Variants in DNAH7 observed in about 807,000 individuals in gnomAD.
DNAH7 encodes the protein dynein axonemal heavy chain 7, also known as axonemal beta dynein heavy chain 7.
DNAH7 carries 397 observed loss-of-function variants against 444.6 expected under a neutral mutation model. The observed-to-expected ratio is 0.89, with a 90% CI of 0.82 to 0.97. DNAH7 has a LOEUF of 0.97. Ranked by LOEUF, DNAH7 falls within the 50% of genes least tolerant of loss-of-function variation. The pLI, the probability that DNAH7 is intolerant of heterozygous loss-of-function variation, is 0.00. For synonymous variants in DNAH7, 1,636 were observed against 1,624.4 expected (o/e 1.01, Z -0.17); for missense variants, 4,902 against 4,800.8 (o/e 1.02, Z -0.62).
At chr2:195,877,614 A>G (rs1054817247) in intron 36 of DNAH7, among the ~76,000 whole-genome samples, 7 of 152,220 alleles carry the variant, frequency 4.6e-5, no homozygotes, top group African/African-American at 1.7e-4. Context: ...TAATCTATTC[A>G]TCAAGGCAAT....
intron 24 of DNAH7, among the ~76,000 whole-genome samples, chr2:195,910,936 T>C (rs1687322160): frequency 6.6e-6 from 1 of 152,172 alleles, no homozygotes; most frequent in Admixed American, 6.5e-5. Flanking sequence ...GGCACATTAA[T>C]CCAAAATGAT....
intron 20 of DNAH7, among the ~76,000 whole-genome samples, 160 bp downstream of exon 20, chr2:195,936,439 T>A (rs1184680941): frequency 6.6e-6 from 1 of 152,150 alleles, no homozygotes; most frequent in Non-Finnish European, 1.5e-5. Flanking sequence ...ACTAGTTACA[T>A]TTTTAATAAT....
intron 41 of DNAH7, among the ~76,000 whole-genome samples, chr2:195,862,212 GA>G (rs1700060130): frequency 6.6e-6 from 1 of 152,172 alleles, no homozygotes; most frequent in Non-Finnish European, 1.5e-5. Context: ...CAGGAGAAAG[GA>G]AAGGCAAATG....
At chr2:195,774,515 A>G (rs1389959849) in intron 60 of DNAH7, among the ~76,000 whole-genome samples, 1 of 152,212 alleles carries the variant, frequency 6.6e-6, no homozygotes, top group Non-Finnish European at 1.5e-5. Flanking sequence ...ATCTCTGGCT[A>G]TCTGCCTTTC....
Position 195,936,721 on chromosome 2 carries a change from C to T in DNAH7, c.3150G>A (p.Leu1050=), listed in dbSNP as rs267599144. Reference sequence around the variant, plus strand: ...CATTAAGTCCTTTAAGAATGAGCTCCAAAAGTTCATTAGATTTTTTCAGCC... The same window carrying T: ...CATTAAGTCCTTTAAGAATGAGCTCTAAAAGTTCATTAGATTTTTTCAGCC... ...LERLKKSNEL[L]ELILKGLNEY... The change falls in exon 20 of 65, where the codon TTG becomes TTA. Residue 1050 remains leucine (L), a synonymous_variant. Coordinates refer to ENST00000312428, the MANE Select transcript of DNAH7 (RefSeq NM_018897.3). 1 of 1,601,438 alleles carries T rather than the reference C, an allele frequency of 6.2e-7. No homozygotes were observed. Among genetic ancestry groups the T allele is most frequent in the East Asian group, 2.3e-5 (1 of 44,392 alleles).
chr2:195,759,926 TC>T (rs1324283796), intron 61 of DNAH7, among the ~76,000 whole-genome samples: 3 of 152,156 alleles, frequency 2.0e-5, no homozygotes, highest in Non-Finnish European at 4.4e-5. Flanking sequence ...AATCCTCCTG[TC>T]TCAGCCTCCC....
intron 30 of DNAH7, chr2:195,892,711 T>C (rs991002917): frequency 6.6e-6 from 1 of 152,124 alleles, no homozygotes; most frequent in Non-Finnish European, 1.5e-5. Context: ...TGTTGCATAA[T>C]TATATGGGTT....
intron 24 of DNAH7, among the ~76,000 whole-genome samples, chr2:195,914,196 T>C (rs1687530650): frequency 1.3e-5 from 2 of 152,218 alleles, no homozygotes; most frequent in South Asian, 2.1e-4. Context: ...GACTGAAAAA[T>C]GTTTAAATAC....
intron 5 of DNAH7, among the ~76,000 whole-genome samples, chr2:196,046,012 G>GA (rs1167864996): frequency 1.3e-5 from 2 of 150,894 alleles, no homozygotes; most frequent in African/African-American, 4.9e-5. Context: ...AGGCAAAACA[G>GA]AAAAAATGAC....
chr2:195,758,386 G>T (rs968990543), intron 61 of DNAH7, among the ~76,000 whole-genome samples: 8 of 152,026 alleles, frequency 5.3e-5, no homozygotes, highest in African/African-American at 1.9e-4. Flanking sequence ...GTATCTGTTT[G>T]GTAACATATG....
At chr2:195,784,942 G>T (rs866027167) in intron 58 of DNAH7, among the ~76,000 whole-genome samples, 11 of 140,646 alleles carry the variant, frequency 7.8e-5, no homozygotes, top group Admixed American at 3.7e-4. Flanking sequence ...ATGGAGTCTC[G>T]CTCTGTCACC....
chr2:195,969,875 G>A, intron 17 of DNAH7, 73 bp downstream of exon 17: 1 of 1,442,222 alleles, frequency 6.9e-7, no homozygotes, highest in Non-Finnish European at 9.5e-7. Flanking sequence ...CTTCTTAAAG[G>A]TGAATAACTA....
At chr2:196,061,846 A>G (rs1698153802) in intron 1 of DNAH7, among the ~76,000 whole-genome samples, 4 of 152,230 alleles carry the variant, frequency 2.6e-5, no homozygotes. Flanking sequence ...TTCCCAGTTC[A>G]GTAAACCATA....
chr2:196,047,624 AG>A (rs1697219149), intron 4 of DNAH7, 125 bp from the exon 5 acceptor site: 26 of 794,060 alleles, frequency 3.3e-5, no homozygotes, highest in Non-Finnish European at 4.0e-5. Context: ...AGTAATCCTA[AG>A]TATAATTTTT....
intron 58 of DNAH7, among the ~76,000 whole-genome samples, chr2:195,778,667 T>TACAC (rs1192803792): frequency 8.6e-5 from 6 of 69,616 alleles, no homozygotes; most frequent in African/African-American, 3.3e-4. Flanking sequence ...TATATATATA[T>TACAC]ATACACACAC....
At chr2:195,846,951 G>A (rs1379737101) in intron 46 of DNAH7, among the ~76,000 whole-genome samples, 40 of 133,970 alleles carry the variant, frequency 3.0e-4, no homozygotes, top group Admixed American at 1.5e-3. Flanking sequence ...TCCCATATAT[G>A]TGTGTGTGTG....
intron 5 of DNAH7, among the ~76,000 whole-genome samples, chr2:196,044,947 C>T (rs548862169): frequency 9.2e-5 from 14 of 151,964 alleles, no homozygotes; most frequent in Admixed American, 7.2e-4. Flanking sequence ...TGTTGTGGCA[C>T]GTGCCTTAGT....
chr2:195,827,779 A>C (rs1032209360), intron 48 of DNAH7, among the ~76,000 whole-genome samples: 12 of 151,042 alleles, frequency 7.9e-5, no homozygotes, highest in Non-Finnish European at 4.4e-5. Flanking sequence ...GTCTTGCTAC[A>C]TTGCCCAGAC....
intron 12 of DNAH7, among the ~76,000 whole-genome samples, chr2:195,995,966 T>C (rs1693669506): frequency 6.6e-6 from 1 of 152,246 alleles, no homozygotes; most frequent in Non-Finnish European, 1.5e-5. Context: ...GCATTAAATC[T>C]GGAGATCACT....
Sources: gnomAD v4.1 joint callset for allele counts (sites outside exome capture counted in the v4.1 genomes callset) on GRCh38, gnomAD v4.1.1 for gene constraint, MANE v1.5 for transcripts, NCBI Gene and HGNC (gene_info 2026-07-23, HGNC 2026-07-21) for gene names.